PIPOX: variants seen among roughly 807,000 people sequenced by gnomAD.
PIPOX encodes the protein peroxisomal sarcosine oxidase.
Under a neutral mutation model 47.9 loss-of-function variants are expected in PIPOX, and 45 were observed. The ratio of observed to expected loss-of-function variants is 0.94; its 90% CI spans 0.74 to 1.20. The LOEUF is 1.20. PIPOX is among the 50% of genes most tolerant of loss of function. The probability of loss-of-function intolerance (pLI) is 0.00; values close to 1 mark genes in which losing one functional copy is unlikely to be tolerated. For synonymous variants in PIPOX, 165 were observed against 191.3 expected (o/e 0.86, Z 1.13); for missense variants, 458 against 498.4 (o/e 0.92, Z 0.77).
intron 1 of PIPOX, 47 bp downstream of exon 1, chr17:29,043,386 TCC>T: frequency 1.5e-6 from 2 of 1,364,638 alleles, no homozygotes; most frequent in Non-Finnish European, 2.1e-6. Flanking sequence ...TGTCCTACCC[TCC>T]TCCCCTGCAG....
At chr17:29,053,301 C>T (rs890251670) in intron 3 of PIPOX, 112 bp from the exon 4 acceptor site, 5 of 1,249,690 alleles carry the variant, frequency 4.0e-6, no homozygotes, top group Non-Finnish European at 5.7e-6. Context: ...CTTGTCAATA[C>T]AGGACAGGTC....
At chr17:29,051,490 C>G (rs1044187752) in intron 2 of PIPOX, among the ~76,000 whole-genome samples, 1 of 152,228 alleles carries the variant, frequency 6.6e-6, no homozygotes, top group Non-Finnish European at 1.5e-5. Flanking sequence ...TTTACACCCA[C>G]TACCTGGGGG....
intron 7 of PIPOX, 119 bp from the exon 8 acceptor site, chr17:29,056,056 C>T: frequency 7.1e-7 from 1 of 1,411,944 alleles, no homozygotes; most frequent in Non-Finnish European, 9.9e-7. Flanking sequence ...TGGGAGGCCA[C>T]TTCTGGCTTT....
chr17:29,051,982 G>A (rs78322452), intron 2 of PIPOX: 6,812 of 471,094 alleles, frequency 0.014, 201 homozygotes, highest in African/African-American at 0.079. Context: ...CAACAGGCAC[G>A]TTACAGAGGA....
intron 2 of PIPOX, 53 bp downstream of exon 2, chr17:29,045,060 T>C: frequency 6.6e-7 from 1 of 1,521,046 alleles, no homozygotes; most frequent in South Asian, 1.3e-5. Flanking sequence ...CTGCAGGTAC[T>C]TTTAGTGTGT....
At chr17:29,051,602 TC>T (rs950950050) in intron 2 of PIPOX, among the ~76,000 whole-genome samples, 12 of 151,952 alleles carry the variant, frequency 7.9e-5, no homozygotes, top group Admixed American at 3.9e-4. Context: ...TCTATCCGTT[TC>T]CCCCCAAAAG....
In PIPOX at chr17:29,056,509, C is replaced by T. The variant is rs1304966435; in HGVS notation, c.*204C>T. 2 of 608,144 alleles carry T rather than the reference C, an allele frequency of 3.3e-6. No homozygotes were observed. Among genetic ancestry groups the T allele is most frequent in the South Asian group, 2.1e-5 (1 of 47,682 alleles). The allele number at this position is 608,144 out of a possible 1,614,324, so 37.7% of individuals were successfully genotyped here. A position where few individuals can be genotyped will look rare whatever the true frequency, so the allele number is the denominator to read the frequency against. On this transcript the variant is annotated 3_prime_UTR_variant, in exon 8 of 8. Coordinates refer to ENST00000323372, the MANE Select transcript of PIPOX (RefSeq NM_016518.3). ...GCCTCACTTGAATCCCCCGTAAACA[C>T]CAGACGATTGAGTCTACCTTCTTTT...
chr17:29,054,553 G>C lies in PIPOX; in HGVS notation c.669G>C (p.Arg223=). Residue 223 remains arginine (R), a synonymous_variant, in exon 5 of 8, where the codon CGG becomes CGC. Transcript: ENST00000323372. Reference sequence around the variant, plus strand: ...CCTCTCCCTGCCTCAAGACCCTGCGGATCAACGTGTGTTACTGGCGAGAGA... The same window carrying C: ...CCTCTCCCTGCCTCAAGACCCTGCGCATCAACGTGTGTTACTGGCGAGAGA... ...LGIEMPLQTL[R]INVCYWREMV... 3 of 1,614,180 alleles carry C rather than the reference G, an allele frequency of 1.9e-6. No homozygotes were observed. Among genetic ancestry groups the C allele is most frequent in the Non-Finnish European group, 1.7e-6 (2 of 1,180,016 alleles).
chr17:29,048,853 G>A (rs76465623), intron 2 of PIPOX, among the ~76,000 whole-genome samples: 1 of 152,248 alleles, frequency 6.6e-6, no homozygotes, highest in Non-Finnish European at 1.5e-5. Context: ...AACAAAGGCA[G>A]CAGCCATTAC....
chr17:29,053,321 C>A, intron 3 of PIPOX, 92 bp from the exon 4 acceptor site: 2 of 1,350,548 alleles, frequency 1.5e-6, no homozygotes, highest in African/African-American at 1.4e-5. Context: ...CTAGATTCTG[C>A]ACTCTTTTCT....
chr17:29,044,965 T>C lies in PIPOX; in HGVS notation c.221T>C (p.Ile74Thr). The C allele has an allele frequency of 6.2e-7, 1 of 1,613,424 alleles. No homozygotes were observed. The highest frequency in any genetic ancestry group is 1.1e-5 in the South Asian group (1 of 90,966). ...YTRMMHECYQ[I>T]WAQLEHEAGT... is the part of the protein sequence containing the mutation. ...CGGATGATGCATGAGTGCTATCAGA[T>C]ATGGGCCCAGCTGGAGCACGAGGCT... The change falls in exon 2 of 8, where the codon ATA (isoleucine) becomes ACA (threonine). Residue 74 changes from isoleucine to threonine, a missense_variant. Transcript: ENST00000323372.
chr17:29,051,813 G>A (rs867638786), intron 2 of PIPOX: 14 of 402,460 alleles, frequency 3.5e-5, no homozygotes, highest in Middle Eastern at 1.8e-3. Context: ...GAATCTTCTC[G>A]AGCATTGCAG....
At chr17:29,050,674 A>G (rs1202622755) in intron 2 of PIPOX, among the ~76,000 whole-genome samples, 1 of 151,870 alleles carries the variant, frequency 6.6e-6, no homozygotes, top group Non-Finnish European at 1.5e-5. Context: ...CCCTATTTCT[A>G]TACACACAAA....
chr17:29,054,649 C>T lies in PIPOX; in HGVS notation c.765C>T (p.His255=), dbSNP rs1184918605. 6.2e-7 allele frequency: 1 copy of T among 1,614,068 alleles called. No individual in the cohort carries two copies. Among genetic ancestry groups the T allele is most frequent in the African/African-American group, 1.3e-5 (1 of 74,914 alleles). ...TGTGGCTGGGCTTGTGTCCCCACCACATCTACGGACTGCCCACAGGAGAGT... is the reference window on the plus strand; with the variant it reads ...TGTGGCTGGGCTTGTGTCCCCACCATATCTACGGACTGCCCACAGGAGAGT... ...CFLWLGLCPH[H]IYGLPTGEYP... The change falls in exon 5 of 8, where the codon CAC becomes CAT. Residue 255 remains histidine (H), a synonymous_variant. Coordinates refer to ENST00000323372, the MANE Select transcript of PIPOX (RefSeq NM_016518.3).
chr17:29,048,291 A>G (rs1322120057), intron 2 of PIPOX, among the ~76,000 whole-genome samples: 2 of 152,220 alleles, frequency 1.3e-5, no homozygotes, highest in Non-Finnish European at 2.9e-5. Flanking sequence ...CCAGCACAAT[A>G]CCATAATACT....
intron 2 of PIPOX, among the ~76,000 whole-genome samples, chr17:29,047,022 C>T (rs538363580): frequency 1.6e-4 from 25 of 152,268 alleles, no homozygotes; most frequent in African/African-American, 5.8e-4. Context: ...CATGGTGGCT[C>T]ACGCCTGTAA....
intron 2 of PIPOX, among the ~76,000 whole-genome samples, chr17:29,047,554 A>G (rs1019640355): frequency 6.6e-6 from 1 of 152,162 alleles, no homozygotes; most frequent in Non-Finnish European, 1.5e-5. Flanking sequence ...CAATTATTCA[A>G]CTCTGCCATT....
chr17:29,055,830 G>A lies in PIPOX; in HGVS notation c.984G>A (p.Gln328=). The change falls in exon 7 of 8, where the codon CAG becomes CAA. Residue 328 remains glutamine, a synonymous_variant. Coordinates refer to ENST00000323372, the MANE Select transcript of PIPOX (RefSeq NM_016518.3). Reference sequence around the variant, plus strand: ...CTTTCTAGAATACCCCTGATGAGCAGTTCATTCTCGATCGCCACCCAAAGT... The same window carrying A: ...CTTTCTAGAATACCCCTGATGAGCAATTCATTCTCGATCGCCACCCAAAGT... ...SCMYTNTPDE[Q]FILDRHPKYD... is the part of the protein sequence containing the mutation. 1.2e-6 allele frequency: 2 copies of A among 1,613,936 alleles called. No individual in the cohort carries two copies. Among genetic ancestry groups the A allele is most frequent in the Non-Finnish European group, 1.7e-6 (2 of 1,179,802 alleles).
At chr17:29,050,815 AC>A (rs2065803032) in intron 2 of PIPOX, among the ~76,000 whole-genome samples, 1 of 150,342 alleles carries the variant, frequency 6.7e-6, no homozygotes, top group African/African-American at 2.5e-5. Context: ...ATAGAGTGAG[AC>A]CCCATCTCCA....
Sources: gnomAD v4.1 joint callset for allele counts (sites outside exome capture counted in the v4.1 genomes callset) on GRCh38, gnomAD v4.1.1 for gene constraint, MANE v1.5 for transcripts, NCBI Gene and HGNC (gene_info 2026-07-23, HGNC 2026-07-21) for gene names.